EIF4B: variants seen among roughly 807,000 people sequenced by gnomAD.
EIF4B encodes eukaryotic translation initiation factor 4B.
EIF4B carries 8 observed loss-of-function variants against 79.3 expected under a neutral mutation model. That is an observed-to-expected ratio of 0.10 (90% confidence interval 0.06 to 0.18). EIF4B has a LOEUF of 0.18. Ranked by LOEUF, EIF4B falls within the 10% of genes least tolerant of loss-of-function variation. The probability of loss-of-function intolerance (pLI) is 1.00; values close to 1 mark genes in which losing one functional copy is unlikely to be tolerated. For missense variants in EIF4B, 515 were observed against 792.4 expected (o/e 0.65, Z 4.20); for synonymous variants, 238 against 274.7 (o/e 0.87, Z 1.32).
intron 8 of EIF4B, among the ~76,000 whole-genome samples, chr12:53,029,413 G>A (rs1021042695): frequency 1.7e-5 from 2 of 114,984 alleles, no homozygotes; most frequent in Admixed American, 2.2e-4. Context: ...TGCTCTGTTT[G>A]TTGCCAGGCT....
chr12:53,035,721 C>G (rs1943529595), intron 10 of EIF4B, among the ~76,000 whole-genome samples: 1 of 152,082 alleles, frequency 6.6e-6, no homozygotes, highest in Non-Finnish European at 1.5e-5. Context: ...CCAGGCTGGT[C>G]TCAGCCTCAT....
chr12:53,020,505 A>G lies in EIF4B; in HGVS notation c.477+479A>G, dbSNP rs144271208. On this transcript the variant is annotated intron_variant, in intron 4 of 14. Coordinates refer to ENST00000262056, the MANE Select transcript of EIF4B (RefSeq NM_001417.7). ...AAGGAATATTTTACAGGAGAGTGAC[A>G]ATAAATATCTAGTCCTTCTGCTTGT... Among the ~76,000 whole-genome samples, 867 of 152,342 alleles carry G rather than the reference A, an allele frequency of 5.7e-3. 10 individuals carry two copies. Among genetic ancestry groups the G allele is most frequent in the African/African-American group, 0.02 (827 of 41,580 alleles).
intron 1 of EIF4B, among the ~76,000 whole-genome samples, chr12:53,009,696 T>C (rs1388839168): frequency 2.6e-5 from 4 of 152,174 alleles, no homozygotes; most frequent in African/African-American, 9.7e-5. Context: ...GGGGTGCCAT[T>C]ATATATTGCT....
chr12:53,028,603 C>T (rs1475215035), intron 8 of EIF4B, among the ~76,000 whole-genome samples: 2 of 150,464 alleles, frequency 1.3e-5, no homozygotes, highest in African/African-American at 2.4e-5. Context: ...AGTGGAAACA[C>T]AGCAGTCGAA....
chr12:53,030,611 C>T (rs1943424919), intron 8 of EIF4B, among the ~76,000 whole-genome samples: 1 of 151,160 alleles, frequency 6.6e-6, no homozygotes, highest in Non-Finnish European at 1.5e-5. Flanking sequence ...GGGGTTGCAC[C>T]ATGTTGGCCA....
Position 53,017,518 on chromosome 12 carries a change from C to T in EIF4B, c.151+908C>T, listed in dbSNP as rs138910112. On this transcript the variant is annotated intron_variant, in intron 2 of 14. Coordinates refer to ENST00000262056, the MANE Select transcript of EIF4B (RefSeq NM_001417.7). ...ACCGGGTATGACATAAATCTCATTA[C>T]CATTGTTTTTTTCCTGAAAATCGTT... Among the ~76,000 whole-genome samples, 1,123 of 152,162 alleles carry T rather than the reference C, an allele frequency of 7.4e-3. 8 individuals carry two copies. Among genetic ancestry groups the T allele is most frequent in the South Asian group, 0.023 (110 of 4,826 alleles).
intron 2 of EIF4B, 98 bp downstream of exon 2, chr12:53,016,708 TACTC>T: frequency 6.9e-7 from 1 of 1,458,864 alleles, no homozygotes; most frequent in Non-Finnish European, 9.1e-7. Context: ...GAAAAGAACT[TACTC>T]ATTTTTTAGC....
At chr12:53,009,125 C>G (rs569162320) in intron 1 of EIF4B, among the ~76,000 whole-genome samples, 1 of 152,324 alleles carries the variant, frequency 6.6e-6, no homozygotes, top group South Asian at 2.1e-4. Flanking sequence ...AAGCCAGTTA[C>G]CGCTTGAATC....
At position 53,040,241 on chromosome 12, in the gene EIF4B, T is replaced by G. The variant is rs772211669; in HGVS notation, c.*18T>G. On this transcript the variant is annotated 3_prime_UTR_variant, in exon 15 of 15. Transcript: ENST00000262056. ...CCGAATAGACCTCTACATCCTGTGC[T>G]TTTCTCCTAGTTTCTCTCCACCCTG... 4 of 1,601,186 alleles carry G rather than the reference T, an allele frequency of 2.5e-6. No individual in the cohort carries two copies. Among genetic ancestry groups the G allele is most frequent in the Non-Finnish European group, 3.4e-6 (4 of 1,169,320 alleles).
At position 53,019,437 on chromosome 12, in the gene EIF4B, ATT is replaced by A. The variant is rs1337954535; in HGVS notation, c.360+442_360+443del. Among the ~76,000 whole-genome samples, 439 of 50,964 alleles carry A rather than the reference ATT, an allele frequency of 8.6e-3. 3 individuals are homozygous for A. The highest frequency in any genetic ancestry group is 0.039 in the East Asian group (60 of 1,542). 33.4% of individuals were successfully genotyped at this position (50,964 alleles called of 152,430 possible). A position where few individuals can be genotyped will look rare whatever the true frequency, so the allele number is the denominator to read the frequency against. On this transcript the variant is annotated intron_variant, in intron 3 of 14. Coordinates refer to ENST00000262056, the MANE Select transcript of EIF4B (RefSeq NM_001417.7). ...TAAAATCAAAATTATATATATATAT[ATT>A]TTTTTTTTTTCTTTTTTTTTTTTTT...
At position 53,025,327 on chromosome 12, in the gene EIF4B, C is replaced by T. The variant is rs560039603; in HGVS notation, c.668-2455C>T. ...CTCACCTGAAACCTTGAATTTAGAGCAAGCAGAATGGATAACGAGTGAGTG... is the reference window on the plus strand; with the variant it reads ...CTCACCTGAAACCTTGAATTTAGAGTAAGCAGAATGGATAACGAGTGAGTG... On this transcript the variant is annotated intron_variant, in intron 6 of 14. Transcript: ENST00000262056. 4 of 446,138 alleles carry T rather than the reference C, an allele frequency of 9.0e-6. No homozygotes were observed. The East Asian group carries it at 2.8e-4, about 31-fold the overall frequency. The allele number at this position is 446,138 out of a possible 1,614,324, so 27.6% of individuals were successfully genotyped here. A position where few individuals can be genotyped will look rare whatever the true frequency, so the allele number is the denominator to read the frequency against.
At chr12:53,016,392 A>G (rs1459674931) in intron 1 of EIF4B, 81 bp from the exon 2 acceptor site, 18 of 1,557,332 alleles carry the variant, frequency 1.2e-5, no homozygotes, top group Non-Finnish European at 1.6e-5. Context: ...CTTTCTAAAT[A>G]ATGTTTTACA....
chr12:53,016,630 C>T lies in EIF4B; in HGVS notation c.151+20C>T, dbSNP rs199869765. 6.0e-4 allele frequency: 937 copies of T among 1,556,310 alleles called. 4 individuals carry two copies. The South Asian group carries it at 6.5e-3, about 11-fold the overall frequency. Reference sequence around the variant, plus strand: ...GAGATGGTAACTTTTCTTTTGTCATCGTGTTTGGAATGTTTATTATTTTCT... The same window carrying T: ...GAGATGGTAACTTTTCTTTTGTCATTGTGTTTGGAATGTTTATTATTTTCT... On this transcript the variant is annotated intron_variant, in intron 2 of 14. Transcript: ENST00000262056.
At chr12:53,023,442 A>C (rs902252593) in intron 6 of EIF4B, among the ~76,000 whole-genome samples, 1 of 152,072 alleles carries the variant, frequency 6.6e-6, no homozygotes, top group African/African-American at 2.4e-5. Flanking sequence ...CATGTTGGCC[A>C]GGATAGTCTT....
intron 1 of EIF4B, among the ~76,000 whole-genome samples, chr12:53,007,691 A>G (rs1162640475): frequency 2.6e-5 from 4 of 152,122 alleles, no homozygotes; most frequent in South Asian, 2.1e-4. Flanking sequence ...TTGAACTTCT[A>G]TCTCTGGGTG....
chr12:53,014,928 TGACTTCTC>T (rs1192485484), intron 1 of EIF4B: 1 of 152,240 alleles, frequency 6.6e-6, no homozygotes, highest in African/African-American at 2.4e-5. Flanking sequence ...TGATTGGTGG[TGACTTCTC>T]GGAAGTTCTG....
chr12:53,030,227 A>T (rs111861812), intron 8 of EIF4B, among the ~76,000 whole-genome samples: 6 of 11,854 alleles, frequency 5.1e-4, no homozygotes, highest in South Asian at 5.2e-3. Flanking sequence ...AAAAAATATA[A>T]AAGTTAGCTG....
In EIF4B at chr12:53,022,475, G is replaced by A. The variant is rs1398415345; in HGVS notation, c.533-18G>A. On this transcript the variant is annotated intron_variant, in intron 5 of 14. Coordinates refer to ENST00000262056, the MANE Select transcript of EIF4B (RefSeq NM_001417.7). The stretch of plus-strand genomic sequence containing the variant: ...TTTTATGAGATAACTTACGGTTTTT[G>A]TTTTAATGTATCTGTAGACAGGGAT... The A allele has an allele frequency of 6.2e-7, 1 of 1,608,976 alleles. No individual in the cohort carries two copies. The highest frequency in any genetic ancestry group is 8.5e-7 in the Non-Finnish European group (1 of 1,178,306).
At chr12:53,027,079 C>T (rs993451336) in intron 6 of EIF4B, among the ~76,000 whole-genome samples, 38 of 145,022 alleles carry the variant, frequency 2.6e-4, no homozygotes, top group Non-Finnish European at 2.1e-4. Context: ...TGCTTAAGCC[C>T]GGGAGTCCAA....
Sources: allele counts gnomAD v4.1 joint callset (sites outside exome capture counted in the v4.1 genomes callset), GRCh38; gene constraint gnomAD v4.1.1; transcripts MANE v1.5; gene names NCBI Gene and HGNC (gene_info 2026-07-23, HGNC 2026-07-21).